PRKD1: variants seen among roughly 807,000 people sequenced by gnomAD.
PRKD1 encodes the protein protein kinase D1, also known as serine/threonine-protein kinase D1.
PRKD1 carries 63 observed loss-of-function variants against 95.9 expected under a neutral mutation model. That is an observed-to-expected ratio of 0.66 (90% CI 0.54 to 0.81). The LOEUF (loss-of-function observed/expected upper bound fraction) is 0.81, where lower values mean the gene tolerates loss of function less well. PRKD1 is among the 30% of genes least tolerant of loss of function. The pLI is 0.00. For synonymous variants in PRKD1, 425 were observed against 423.1 expected (o/e 1.00, Z -0.05); for missense variants, 1,048 against 1,165.3 (o/e 0.90, Z 1.47).
chr14:29,826,840 CACACATAT>C (rs1473895722), intron 1 of PRKD1, among the ~76,000 whole-genome samples: 1 of 15,450 alleles, frequency 6.5e-5, no homozygotes, highest in African/African-American at 2.7e-4. Context: ...TATATATATA[CACACATAT>C]ATATATATAT....
chr14:29,807,814 T>C (rs1566612391), intron 1 of PRKD1, among the ~76,000 whole-genome samples: 1 of 151,614 alleles, frequency 6.6e-6, no homozygotes, highest in Non-Finnish European at 1.5e-5. Context: ...CTCCACCTCC[T>C]GGGTTCAAGC....
chr14:29,630,483 T>G (rs1475061684), intron 10 of PRKD1: 1 of 448,972 alleles, frequency 2.2e-6, no homozygotes, highest in Non-Finnish European at 4.0e-6. Flanking sequence ...AGGTCTGTAA[T>G]TGCCTAATAC....
chr14:29,654,529 G>A (rs1881724414), intron 4 of PRKD1, among the ~76,000 whole-genome samples: 1 of 152,092 alleles, frequency 6.6e-6, no homozygotes, highest in Admixed American at 6.6e-5. Flanking sequence ...AAAAAATAGA[G>A]ATGCTTATTT....
chr14:29,836,519 C>T lies in PRKD1; in HGVS notation c.264+90730G>A, dbSNP rs534854021. Among the ~76,000 whole-genome samples, 3 of 152,246 alleles carry T rather than the reference C, an allele frequency of 2.0e-5. No homozygotes were observed. The South Asian group carries it at 6.2e-4, about 32-fold the overall frequency. On this transcript the variant is annotated intron_variant, in intron 1 of 17. Coordinates refer to ENST00000331968, the MANE Select transcript of PRKD1 (RefSeq NM_002742.3). ...GAGCTGTAAGCCAGATACTGGCAAG[C>T]TTGGGTGCTAGAACAATGTTTTCAG...
intron 13 of PRKD1, among the ~76,000 whole-genome samples, chr14:29,623,867 G>A (rs1389884750): frequency 2.6e-5 from 4 of 152,014 alleles, no homozygotes; most frequent in African/African-American, 9.7e-5. Context: ...AAATAAAATG[G>A]TCTCAGCATG....
chr14:29,729,230 A>G (rs1886317994), intron 1 of PRKD1, among the ~76,000 whole-genome samples: 1 of 152,072 alleles, frequency 6.6e-6, no homozygotes, highest in Non-Finnish European at 1.5e-5. Flanking sequence ...CATATTCTGG[A>G]AGATTTGTAC....
intron 1 of PRKD1, among the ~76,000 whole-genome samples, chr14:29,801,470 C>G (rs1312603513): frequency 6.6e-6 from 1 of 152,158 alleles, no homozygotes; most frequent in African/African-American, 2.4e-5. Flanking sequence ...AAAAGAACCA[C>G]TTGAGGCAAT....
chr14:29,656,509 G>A (rs1404366806), intron 4 of PRKD1: 1 of 1,535,348 alleles, frequency 6.5e-7, no homozygotes, highest in Non-Finnish European at 8.7e-7. Flanking sequence ...ACTGAAACAT[G>A]AAGTTGTAAG....
At chr14:29,749,796 A>G (rs1453480869) in intron 1 of PRKD1, among the ~76,000 whole-genome samples, 1 of 152,176 alleles carries the variant, frequency 6.6e-6, no homozygotes, top group Non-Finnish European at 1.5e-5. Flanking sequence ...CTAATAGATA[A>G]AACCCTATAC....
chr14:29,642,691 G>T (rs1404809983), intron 4 of PRKD1, among the ~76,000 whole-genome samples: 1 of 152,058 alleles, frequency 6.6e-6, no homozygotes, highest in Non-Finnish European at 1.5e-5. Context: ...TGGCTTACTT[G>T]TATATTTAAT....
At chr14:29,652,768 GA>G (rs1229893181) in intron 4 of PRKD1, 2 of 152,192 alleles carry the variant, frequency 1.3e-5, no homozygotes, top group African/African-American at 4.8e-5. Context: ...AGGATTCCTG[GA>G]ATTCCAGAAC....
chr14:29,783,611 C>T (rs1889144155), intron 1 of PRKD1, among the ~76,000 whole-genome samples: 4 of 152,166 alleles, frequency 2.6e-5, no homozygotes, highest in African/African-American at 9.7e-5. Context: ...TTTACATTCC[C>T]ATCAATAGTG....
At chr14:29,786,694 T>C (rs1011453013) in intron 1 of PRKD1, among the ~76,000 whole-genome samples, 6 of 152,120 alleles carry the variant, frequency 3.9e-5, no homozygotes, top group African/African-American at 9.6e-5. Flanking sequence ...TGTTCCTTTT[T>C]TGTTTCTAAT....
intron 1 of PRKD1, among the ~76,000 whole-genome samples, chr14:29,753,327 GTAGC>G (rs1374319307): frequency 1.3e-5 from 2 of 152,004 alleles, no homozygotes; most frequent in East Asian, 3.9e-4. Context: ...TTAAACTTAA[GTAGC>G]TGCTTATTTT....
intron 1 of PRKD1, among the ~76,000 whole-genome samples, chr14:29,918,653 A>G (rs926387670): frequency 3.9e-5 from 6 of 152,184 alleles, no homozygotes; most frequent in Non-Finnish European, 7.4e-5. Flanking sequence ...CTCTGACTGT[A>G]CAAGACATTG....
intron 9 of PRKD1, among the ~76,000 whole-genome samples, chr14:29,632,054 G>T (rs147216799): frequency 1.3e-5 from 2 of 151,876 alleles, no homozygotes; most frequent in African/African-American, 2.4e-5. Context: ...ACCTGCCTCG[G>T]CCTCCCAAAG....
At chr14:29,634,391 G>C in intron 8 of PRKD1, 27 bp downstream of exon 8, 6 of 1,613,692 alleles carry the variant, frequency 3.7e-6, no homozygotes, top group Non-Finnish European at 5.1e-6. Context: ...AGCAAGGCAA[G>C]AGAACATTGT....
intron 1 of PRKD1, among the ~76,000 whole-genome samples, chr14:29,745,473 T>C (rs970308436): frequency 1.3e-5 from 2 of 152,086 alleles, no homozygotes; most frequent in African/African-American, 4.8e-5. Flanking sequence ...TTAATCATTA[T>C]TGTTATTATT....
intron 1 of PRKD1, among the ~76,000 whole-genome samples, chr14:29,794,490 A>T (rs1207099303): frequency 6.6e-6 from 1 of 152,036 alleles, no homozygotes. Context: ...TTGTACAGTG[A>T]TTTACTTATT....
Sources: allele counts gnomAD v4.1 joint callset (sites outside exome capture counted in the v4.1 genomes callset), GRCh38; gene constraint gnomAD v4.1.1; transcripts MANE v1.5; gene names NCBI Gene and HGNC (gene_info 2026-07-23, HGNC 2026-07-21).